Variants in STRN3 observed in about 807,000 individuals in gnomAD.
STRN3 encodes the protein striatin 3, also known as striatin-3.
STRN3 carries 29 observed loss-of-function variants against 95.6 expected under a neutral mutation model. The observed-to-expected ratio is 0.30, with a 90% CI of 0.23 to 0.41. The LOEUF is 0.41. STRN3 is among the 10% of genes least tolerant of loss of function. STRN3 has a pLI of 1.00. For synonymous variants in STRN3, 331 were observed against 357.6 expected (o/e 0.93, Z 0.84); for missense variants, 890 against 972.1 (o/e 0.92, Z 1.12).
intron 1 of STRN3, among the ~76,000 whole-genome samples, chr14:30,993,720 C>T (rs1242657432): frequency 6.6e-6 from 1 of 152,122 alleles, no homozygotes; most frequent in Non-Finnish European, 1.5e-5. Flanking sequence ...ACTCTTGTCG[C>T]CCAGGCTGGA....
chr14:31,011,872 G>A lies in STRN3; in HGVS notation c.282+14032C>T, dbSNP rs1289457357. Among the ~76,000 whole-genome samples the A allele has an allele frequency of 2.6e-5, 4 of 152,258 alleles. No individual in the cohort carries two copies. The South Asian group carries it at 8.3e-4, about 32-fold the overall frequency. On this transcript the variant is annotated intron_variant, in intron 1 of 17. Transcript: ENST00000357479. ...AGGTGGGAGGACCACCTGAGGTCAG[G>A]AGTCGGAGACCAGCCTGACCAACAT... is the stretch of plus-strand genomic sequence containing the variant.
In STRN3 at chr14:30,911,819, G is replaced by A. The variant is rs1896617051; in HGVS notation, c.1556C>T (p.Ala519Val). The A allele has an allele frequency of 6.2e-7, 1 of 1,605,952 alleles. No homozygotes were observed. The highest frequency in any genetic ancestry group is 1.3e-5 in the African/African-American group (1 of 74,174). Residue 519 changes from alanine (A) to valine (V), a missense_variant, in exon 12 of 18, where the codon GCC becomes GTC. By Grantham distance (64) the Ala-to-Val change is moderately conservative. Around this residue, in one of 3 missense-constraint regions of STRN3, gnomAD observed 357 missense variants for 422.8 expected, o/e 0.84. Coordinates refer to ENST00000357479, the MANE Select transcript of STRN3 (RefSeq NM_001083893.2). The part of the protein sequence containing the change: ...LQKTVPAKKS[A>V]SLDVEPIYTF... ...GTAGATAGGCTCTACATCTAAAGAG[G>A]CACTCCTAAAAGAGGGGGAAAAAGG...
intron 1 of STRN3, among the ~76,000 whole-genome samples, chr14:30,966,328 G>A (rs896823574): frequency 6.6e-6 from 1 of 152,158 alleles, no homozygotes; most frequent in African/African-American, 2.4e-5. Flanking sequence ...GCCTTGCTGA[G>A]AATTAAAAAG....
intron 1 of STRN3, among the ~76,000 whole-genome samples, chr14:30,988,102 T>C (rs930174058): frequency 3.9e-5 from 6 of 152,206 alleles, no homozygotes; most frequent in Non-Finnish European, 7.3e-5. Context: ...TTTACATTCC[T>C]TCACTGGACT....
rs1555327130 is a variant in STRN3 at position 31,013,886 on chromosome 14, T to TATTATTATTATTATTTGAGACAGAGTGTC, written c.282+12017_282+12018insGACACTCTGTCTCAAATAATAATAATAAT. 4.4e-3 allele frequency among the ~76,000 whole-genome samples: 595 copies of TATTATTATTATTATTTGAGACAGAGTGTC among 136,178 alleles called. 2 individuals carry two copies. Among genetic ancestry groups the TATTATTATTATTATTTGAGACAGAGTGTC allele is most frequent in the Non-Finnish European group, 6.9e-3 (440 of 64,084 alleles). The allele number at this position is 136,178 out of a possible 152,430, so 89.3% of individuals were successfully genotyped here. A position where few individuals can be genotyped will look rare whatever the true frequency, so the allele number is the denominator to read the frequency against. On this transcript the variant is annotated intron_variant, in intron 1 of 17. Coordinates refer to ENST00000357479, the MANE Select transcript of STRN3 (RefSeq NM_001083893.2). ...ATTTTATTATTATTATTATTATTAT[T>TATTATTATTATTATTTGAGACAGAGTGTC]ATTATTATTATTATTATTATTATTA...
At chr14:30,994,791 C>T (rs1321555866) in intron 1 of STRN3, among the ~76,000 whole-genome samples, 1 of 152,188 alleles carries the variant, frequency 6.6e-6, no homozygotes, top group Non-Finnish European at 1.5e-5. Context: ...ATAAGACATG[C>T]ACTTTTTCTT....
At chr14:31,005,099 C>T (rs574864214) in intron 1 of STRN3, among the ~76,000 whole-genome samples, 17 of 152,154 alleles carry the variant, frequency 1.1e-4, no homozygotes, top group Admixed American at 9.2e-4. Flanking sequence ...TTTGGAAGGC[C>T]GAGGTGGGCA....
At chr14:30,933,256 G>A (rs1411536392) in intron 7 of STRN3, among the ~76,000 whole-genome samples, 3 of 95,606 alleles carry the variant, frequency 3.1e-5, no homozygotes, top group African/African-American at 1.2e-4. Flanking sequence ...CCCAGCCTGG[G>A]CAATAAAGCG....
chr14:30,990,458 G>A (rs1345972812), intron 1 of STRN3, among the ~76,000 whole-genome samples: 1 of 151,982 alleles, frequency 6.6e-6, no homozygotes, highest in Non-Finnish European at 1.5e-5. Flanking sequence ...CTGAGCCACC[G>A]CGCCCGGCCA....
intron 6 of STRN3, 39 bp downstream of exon 6, chr14:30,936,456 G>T: frequency 6.3e-7 from 1 of 1,578,110 alleles, no homozygotes; most frequent in South Asian, 1.2e-5. Context: ...CCAACTACAT[G>T]AATATATAGC....
intron 7 of STRN3, among the ~76,000 whole-genome samples, 174 bp from the exon 8 acceptor site, chr14:30,929,485 CCATGT>C (rs781342821): frequency 1.3e-5 from 2 of 152,026 alleles, no homozygotes; most frequent in African/African-American, 2.4e-5. Context: ...CTCTAAATGC[CCATGT>C]CATAAGTTTC....
At chr14:30,962,242 A>C (rs1880245036) in intron 1 of STRN3, among the ~76,000 whole-genome samples, 1 of 152,232 alleles carries the variant, frequency 6.6e-6, no homozygotes, top group African/African-American at 2.4e-5. Flanking sequence ...TAAAAAGAAA[A>C]TATTTTTATA....
chr14:30,927,358 CT>C (rs959029492), intron 8 of STRN3, among the ~76,000 whole-genome samples: 2 of 151,622 alleles, frequency 1.3e-5, no homozygotes, highest in South Asian at 2.1e-4. Context: ...CTTAAACATA[CT>C]TTTTTTAATT....
rs1050692421 is a variant in STRN3, at chr14:30,911,833, G to A, written c.1551-9C>T. ...CATCTAAAGAGGCACTCCTAAAAGAGGGGGAAAAAGGGTAGGGGAAGAGAA... is the reference window on the plus strand; with the variant it reads ...CATCTAAAGAGGCACTCCTAAAAGAAGGGGAAAAAGGGTAGGGGAAGAGAA... On this transcript the variant is annotated splice_polypyrimidine_tract_variant and intron_variant, in intron 11 of 17. Coordinates refer to ENST00000357479, the MANE Select transcript of STRN3 (RefSeq NM_001083893.2). The A allele has an allele frequency of 6.2e-7, 1 of 1,600,982 alleles. No homozygotes were observed. Among genetic ancestry groups the A allele is most frequent in the South Asian group, 1.1e-5 (1 of 87,678 alleles).
intron 1 of STRN3, among the ~76,000 whole-genome samples, chr14:31,005,869 G>A (rs1193239979): frequency 3.3e-5 from 5 of 152,194 alleles, no homozygotes; most frequent in Non-Finnish European, 2.9e-5. Flanking sequence ...CGTAATCCCA[G>A]TACTTTGGGA....
chr14:30,918,560 T>C (rs1250324999), intron 9 of STRN3, among the ~76,000 whole-genome samples: 6 of 152,042 alleles, frequency 3.9e-5, no homozygotes, highest in African/African-American at 7.2e-5. Flanking sequence ...CCTGGCACCA[T>C]AGTTGTCTTC....
chr14:30,930,379 A>G (rs969050824), intron 7 of STRN3, among the ~76,000 whole-genome samples: 1 of 152,176 alleles, frequency 6.6e-6, no homozygotes, highest in Non-Finnish European at 1.5e-5. Context: ...CTTAATCTAT[A>G]AAGTAGACAT....
chr14:30,906,541 C>T (rs970352763), intron 14 of STRN3, among the ~76,000 whole-genome samples: 1 of 152,088 alleles, frequency 6.6e-6, no homozygotes, highest in African/African-American at 2.4e-5. Context: ...ATGCTTGAGA[C>T]TGTGATCCCT....
At chr14:30,955,740 G>C (rs1367739896) in intron 2 of STRN3, 47 bp from the exon 3 acceptor site, 1 of 1,461,378 alleles carries the variant, frequency 6.8e-7, no homozygotes, top group Non-Finnish European at 9.3e-7. Flanking sequence ...TCTTCTTTTT[G>C]TCACTCTTGC....
Sources: gnomAD v4.1 joint callset for allele counts (sites outside exome capture counted in the v4.1 genomes callset) on GRCh38, gnomAD v4.1.1 for gene constraint, gnomAD v4.1.1 regional missense constraint, MANE v1.5 for transcripts, NCBI Gene and HGNC (gene_info 2026-07-23, HGNC 2026-07-21) for gene names.